Variants in WDFY3 observed in about 807,000 individuals in gnomAD.
WDFY3 encodes the protein WD repeat and FYVE domain containing 3.
WDFY3 carries 66 observed loss-of-function variants against 409.6 expected under a neutral mutation model. The observed-to-expected ratio is 0.16, with a 90% CI of 0.13 to 0.20. The LOEUF (loss-of-function observed/expected upper bound fraction) is 0.20. Among genes scored for constraint, WDFY3 ranks in the 10% least tolerant of loss-of-function variants. The pLI, the probability that WDFY3 is intolerant of heterozygous loss-of-function variation, is 1.00. For missense variants in WDFY3, 3,031 were observed against 4,298.1 expected (o/e 0.71, Z 8.24); for synonymous variants, 1,521 against 1,537.1 (o/e 0.99, Z 0.25).
At chr4:84,871,228 TA>T (rs996660579) in intron 3 of WDFY3, among the ~76,000 whole-genome samples, 6 of 151,724 alleles carry the variant, frequency 4.0e-5, no homozygotes, top group African/African-American at 1.5e-4. Context: ...CATGATGAGG[TA>T]GGGGGATAAC....
chr4:84,949,773 G>A (rs575367626), intron 1 of WDFY3, among the ~76,000 whole-genome samples: 110 of 152,072 alleles, frequency 7.2e-4, no homozygotes, highest in African/African-American at 2.5e-3. Context: ...TGGGATCACC[G>A]CCAAAAAAAC....
At chr4:84,807,150 C>T (rs1751651147) in intron 15 of WDFY3, among the ~76,000 whole-genome samples, 2 of 152,126 alleles carry the variant, frequency 1.3e-5, no homozygotes, top group Admixed American at 1.3e-4. Context: ...CAAACACACA[C>T]ATTTTTTACC....
intron 2 of WDFY3, among the ~76,000 whole-genome samples, chr4:84,906,031 T>C (rs1766997736): frequency 6.6e-6 from 1 of 152,210 alleles, no homozygotes; most frequent in African/African-American, 2.4e-5. Context: ...TATCTACTTA[T>C]ACATTTACCA....
In WDFY3 at chr4:84,755,312, T is replaced by G; in HGVS notation, c.5513A>C (p.Glu1838Ala). The G allele has an allele frequency of 6.2e-7, 1 of 1,612,890 alleles. No individual in the cohort carries two copies. Among genetic ancestry groups the G allele is most frequent in the East Asian group, 2.2e-5 (1 of 44,818 alleles). ...CATTCCCAATAATAAAAAAACAGCT[T>G]CTGTGCATACGTTATGGATAGAAGA... ...VVSSIHNVCT[E>A]AVFLLLGMLR... Residue 1838 changes from glutamate to alanine, a missense_variant, in exon 34 of 68, where the codon GAA becomes GCA. Coordinates refer to ENST00000295888, the MANE Select transcript of WDFY3 (RefSeq NM_014991.6).
At chr4:84,848,289 A>C (rs1165470869) in intron 5 of WDFY3, among the ~76,000 whole-genome samples, 1 of 152,138 alleles carries the variant, frequency 6.6e-6, no homozygotes, top group African/African-American at 2.4e-5. Context: ...GGAAAAAAAA[A>C]TCAAGAATCT....
At chr4:84,909,041 C>T (rs1767422225) in intron 2 of WDFY3, among the ~76,000 whole-genome samples, 1 of 151,430 alleles carries the variant, frequency 6.6e-6, no homozygotes, top group Admixed American at 6.6e-5. Context: ...CACACACACA[C>T]ACACACGCAC....
At chr4:84,687,811 T>A (rs886851501) in intron 62 of WDFY3, 4 of 285,508 alleles carry the variant, frequency 1.4e-5, no homozygotes, top group Non-Finnish European at 2.6e-5. Context: ...GGAATTTTGA[T>A]CTGCTCCATT....
At chr4:84,942,932 C>A (rs1772329436) in intron 1 of WDFY3, among the ~76,000 whole-genome samples, 1 of 152,054 alleles carries the variant, frequency 6.6e-6, no homozygotes, top group African/African-American at 2.4e-5. Context: ...CTTCAACTTA[C>A]AATTTGTTTA....
rs199644928 is a variant in WDFY3, at chr4:84,691,733, C to T, written c.9102G>A (p.Ala3034=). Residue 3034 remains alanine (A), a synonymous_variant, in exon 60 of 68, where the codon GCG becomes GCA. Transcript: ENST00000295888. ...QIVCTDKGIL[A]VEQNKVLIPP... is the part of the protein sequence containing the mutation. ...GGATAAGAACCTTATTCTGTTCCAC[C>T]GCAAGAATACCTTTATCTGTACATA... 9.2e-5 allele frequency: 148 copies of T among 1,613,922 alleles called. 1 individual carries two copies. Among genetic ancestry groups the T allele is most frequent in the South Asian group, 3.6e-4 (33 of 91,060 alleles).
rs1410315347 is a variant in WDFY3, at chr4:84,781,389, TTTG to T, written c.4175-1094_4175-1092del. Among the ~76,000 whole-genome samples, 16 of 149,714 alleles carry T rather than the reference TTTG, an allele frequency of 1.1e-4. 2 individuals carry two copies. Among genetic ancestry groups the T allele is most frequent in the African/African-American group, 3.7e-4 (15 of 40,214 alleles). On this transcript the variant is annotated intron_variant, in intron 25 of 67. Coordinates refer to ENST00000295888, the MANE Select transcript of WDFY3 (RefSeq NM_014991.6). ...CAATACTTTCTTTCCTTCTTTCCCT[TTTG>T]TTTTTTTTTTTTTTTTTTGAGACAG...
In WDFY3 at chr4:84,957,845, T is replaced by C. The variant is rs1774436686; in HGVS notation, c.-226+8364A>G. Among the ~76,000 whole-genome samples the C allele has an allele frequency of 2.0e-5, 3 of 152,340 alleles. 1 individual carries two copies. In the South Asian group the frequency reaches 6.2e-4, roughly 32 times the overall value. ...TTCACAGTTTATAGAACTGATATTC[T>C]AGATCTATTAGTGTTACAGTTATTA... On this transcript the variant is annotated intron_variant, in intron 1 of 67. Transcript: ENST00000295888.
At chr4:84,803,883 CTA>C (rs951090681) in intron 15 of WDFY3, 1 of 158,454 alleles carries the variant, frequency 6.3e-6, no homozygotes, top group African/African-American at 2.4e-5. Flanking sequence ...TTGAAATTAC[CTA>C]TATGTGTTTT....
chr4:84,797,858 A>C (rs1428538622), intron 18 of WDFY3, 138 bp downstream of exon 18: 2 of 727,004 alleles, frequency 2.8e-6, no homozygotes, highest in Non-Finnish European at 4.2e-6. Context: ...GGCGTGAGCC[A>C]CCGCGCCGGG....
chr4:84,754,468 T>G (rs1741090681), intron 34 of WDFY3, among the ~76,000 whole-genome samples: 1 of 152,234 alleles, frequency 6.6e-6, no homozygotes, highest in Admixed American at 6.5e-5. Flanking sequence ...ATTAATACAT[T>G]TAATGGTAAT....
chr4:84,860,261 A>T (rs1323705587), intron 4 of WDFY3, 151 bp downstream of exon 4: 2 of 872,366 alleles, frequency 2.3e-6, no homozygotes, highest in East Asian at 2.7e-5. Context: ...ACACTGCTTT[A>T]TAGCAAATTG....
At chr4:84,879,653 T>G (rs559336173) in intron 3 of WDFY3, among the ~76,000 whole-genome samples, 1 of 151,784 alleles carries the variant, frequency 6.6e-6, no homozygotes, top group East Asian at 1.9e-4. Flanking sequence ...TTATCAAAAT[T>G]AACTTCTGTA....
At chr4:84,884,640 A>G (rs1763949475) in intron 3 of WDFY3, among the ~76,000 whole-genome samples, 1 of 152,196 alleles carries the variant, frequency 6.6e-6, no homozygotes, top group Admixed American at 6.5e-5. Flanking sequence ...ACAGGTAACA[A>G]TGATCACGAA....
chr4:84,841,287 T>C, intron 5 of WDFY3, 24 bp from the exon 6 acceptor site: 1 of 1,595,044 alleles, frequency 6.3e-7, no homozygotes, highest in Non-Finnish European at 8.5e-7. Context: ...GGGAAAGCCA[T>C]TAAGTGGGGG....
chr4:84,747,478 TCTGATG>T (rs1739674369), intron 36 of WDFY3, among the ~76,000 whole-genome samples: 2 of 152,154 alleles, frequency 1.3e-5, no homozygotes, highest in Non-Finnish European at 2.9e-5. Context: ...TGGGTTTCAC[TCTGATG>T]TATGACAATG....
Sources: allele counts gnomAD v4.1 joint callset (sites outside exome capture counted in the v4.1 genomes callset), GRCh38; gene constraint gnomAD v4.1.1; transcripts MANE v1.5; gene names NCBI Gene and HGNC (gene_info 2026-07-23, HGNC 2026-07-21).